Variants in ELAVL2 observed in about 807,000 individuals in gnomAD.
The protein encoded by ELAVL2 is ELAV-like protein 2.
ELAVL2 carries 4 observed loss-of-function variants against 34.6 expected under a neutral mutation model. The observed-to-expected ratio is 0.12, with a 90% confidence interval of 0.06 to 0.26. The LOEUF is 0.26. ELAVL2 is among the 10% of genes least tolerant of loss of function. The probability of loss-of-function intolerance (pLI) is 1.00; values close to 1 mark genes in which losing one functional copy is unlikely to be tolerated. For synonymous variants in ELAVL2, 193 were observed against 154.8 expected, an observed-to-expected ratio of 1.25 and a Z score of -1.83; for missense variants, 432 against 442.8, an observed-to-expected ratio of 0.98 and a Z score of 0.22.
At chr9:23,835,136 T>G in the ELAVL2 span, among the ~76,000 whole-genome samples, 1 of 152,114 alleles carries the variant, frequency 6.6e-6, no homozygotes, top group Non-Finnish European at 1.5e-5. Flanking sequence ...GTTACTTTAG[T>G]TAGGCTCAAA....
chr9:23,849,802 T>TC, the ELAVL2 span: 1 of 151,888 alleles, frequency 6.6e-6, no homozygotes, highest in Non-Finnish European at 1.5e-5. Context: ...AACGACCCCC[T>TC]CCTCCCAGCC....
intron 2 of ELAVL2, among the ~76,000 whole-genome samples, chr9:23,739,795 A>ACG (rs1434643956): frequency 2.0e-5 from 3 of 151,696 alleles, no homozygotes; most frequent in Non-Finnish European, 4.4e-5. Context: ...GCACACACAC[A>ACG]CGCACACACC....
At chr9:23,741,608 A>C (rs1390691618) in intron 2 of ELAVL2, among the ~76,000 whole-genome samples, 6 of 152,082 alleles carry the variant, frequency 3.9e-5, no homozygotes, top group African/African-American at 1.4e-4. Context: ...CTTGAAACAA[A>C]CCAGGAACAG....
intron 1 of ELAVL2, among the ~76,000 whole-genome samples, chr9:23,808,755 CAG>C (rs2062582095): frequency 6.6e-6 from 1 of 152,172 alleles, no homozygotes; most frequent in Admixed American, 6.5e-5. Flanking sequence ...AGAATAATCA[CAG>C]GGAATGAGAG....
chr9:23,822,019 C>A (rs547146921), intron 1 of ELAVL2, among the ~76,000 whole-genome samples: 1 of 151,824 alleles, frequency 6.6e-6, no homozygotes, highest in South Asian at 2.1e-4. Context: ...CTCCGGACTT[C>A]CGAGTCTCAC....
At chr9:23,699,335 A>C (rs1436057753) in intron 5 of ELAVL2, among the ~76,000 whole-genome samples, 1 of 152,166 alleles carries the variant, frequency 6.6e-6, no homozygotes, top group East Asian at 1.9e-4. Flanking sequence ...CTGTCTTCTC[A>C]ATCTTCCTAA....
chr9:23,784,013 T>C (rs917519978), intron 1 of ELAVL2, among the ~76,000 whole-genome samples: 1 of 151,590 alleles, frequency 6.6e-6, no homozygotes, highest in Non-Finnish European at 1.5e-5. Context: ...GCTAACACGG[T>C]GAAACCCCGT....
intron 2 of ELAVL2, among the ~76,000 whole-genome samples, chr9:23,754,543 C>G (rs2053055405): frequency 6.6e-6 from 1 of 152,088 alleles, no homozygotes; most frequent in African/African-American, 2.4e-5. Flanking sequence ...ACTGCAACCT[C>G]TGCCTCCTGG....
intron 2 of ELAVL2, among the ~76,000 whole-genome samples, chr9:23,733,689 T>G (rs1381521778): frequency 6.6e-6 from 1 of 152,198 alleles, no homozygotes; most frequent in Non-Finnish European, 1.5e-5. Flanking sequence ...GAAAAGCCTG[T>G]CTTGCTTACT....
chr9:23,695,212 T>C (rs2034722132), intron 5 of ELAVL2, among the ~76,000 whole-genome samples: 3 of 152,260 alleles, frequency 2.0e-5, no homozygotes, highest in African/African-American at 7.2e-5. Context: ...TACAATTTTA[T>C]CAAATTGCTG....
At chr9:23,717,332 T>C (rs1319397115) in intron 3 of ELAVL2, among the ~76,000 whole-genome samples, 1 of 152,188 alleles carries the variant, frequency 6.6e-6, no homozygotes, top group Admixed American at 6.5e-5. Context: ...GGCAAATATG[T>C]TTCTACGAGC....
chr9:23,722,476 G>A (rs184423442), intron 3 of ELAVL2, among the ~76,000 whole-genome samples: 195 of 152,232 alleles, frequency 1.3e-3, no homozygotes, highest in Non-Finnish European at 2.5e-3. Context: ...TCTGCAAGAG[G>A]GCAGAGTTCT....
chr9:23,777,676 G>A (rs1385593591), intron 1 of ELAVL2, among the ~76,000 whole-genome samples: 1 of 152,144 alleles, frequency 6.6e-6, no homozygotes, highest in Non-Finnish European at 1.5e-5. Flanking sequence ...AATTAAAACT[G>A]AAGAAAACTT....
chr9:23,827,245 G>A (rs542037226), upstream of ELAVL2, among the ~76,000 whole-genome samples: 133 of 152,288 alleles, frequency 8.7e-4, no homozygotes, highest in South Asian at 4.8e-3. Flanking sequence ...CTTTCTGTGA[G>A]GATTTAAGAA....
At chr9:23,701,643 CAGA>C in intron 4 of ELAVL2, 39 bp from the exon 5 acceptor site, 1 of 1,598,248 alleles carries the variant, frequency 6.3e-7, no homozygotes, top group Non-Finnish European at 8.6e-7. Flanking sequence ...AAAGAGGGAA[CAGA>C]AGGAGAAGGG....
chr9:23,760,964 G>A (rs577088421), intron 2 of ELAVL2, among the ~76,000 whole-genome samples: 1 of 152,038 alleles, frequency 6.6e-6, no homozygotes, highest in African/African-American at 2.4e-5. Flanking sequence ...AGTGAACTTA[G>A]AAATGGCCCA....
Position 23,725,656 on chromosome 9 carries a change from C to T in ELAVL2, c.333+5366G>A, listed in dbSNP as rs781468088. 2.6e-5 allele frequency among the ~76,000 whole-genome samples: 4 copies of T among 152,076 alleles called. No homozygotes were observed. The East Asian group carries it at 5.8e-4, about 22-fold the overall frequency. The stretch of plus-strand genomic sequence containing the variant: ...ACCAACCCAATCCCAATAATCCTGT[C>T]GCAAAAGGAGGTTGAACTAGAAACT... On this transcript the variant is annotated intron_variant, in intron 3 of 6. Coordinates refer to ENST00000397312, the MANE Select transcript of ELAVL2 (RefSeq NM_004432.5).
intron 1 of ELAVL2, among the ~76,000 whole-genome samples, chr9:23,809,847 A>C (rs375293797): frequency 1.6e-4 from 25 of 152,162 alleles, no homozygotes; most frequent in African/African-American, 6.0e-4. Flanking sequence ...AAAGTTGGAG[A>C]AACAGTAAAG....
At chr9:23,764,864 C>T in intron 1 of ELAVL2, 1 of 763,672 alleles carries the variant, frequency 1.3e-6, no homozygotes, top group Non-Finnish European at 2.1e-6. Context: ...TGCTTTAAGT[C>T]CTAATGATGG....
Sources: gnomAD v4.1 joint callset for allele counts (sites outside exome capture counted in the v4.1 genomes callset) on GRCh38, gnomAD v4.1.1 for gene constraint, MANE v1.5 for transcripts, NCBI Gene and HGNC (gene_info 2026-07-23, HGNC 2026-07-21) for gene names.